The following MME variants were observed in gnomAD, a reference collection of about 807,000 sequenced individuals.
MME encodes neprilysin.
Under a neutral mutation model 113.2 loss-of-function variants are expected in MME, and 98 were observed. The observed-to-expected ratio is 0.87, with a 90% CI of 0.74 to 1.02. The LOEUF (loss-of-function observed/expected upper bound fraction) is 1.02, where lower values mean the gene tolerates loss of function less well. Ranked by LOEUF, MME falls within the 50% of genes least tolerant of loss-of-function variation. The probability of loss-of-function intolerance (pLI) is 0.00; values close to 1 mark genes in which losing one functional copy is unlikely to be tolerated. For missense variants in MME, 836 were observed against 896.0 expected, an observed-to-expected ratio of 0.93 and a Z score of 0.86; for synonymous variants, 292 against 300.6, an observed-to-expected ratio of 0.97 and a Z score of 0.30.
At chr3:155,104,438 A>G (rs1187966492) in intron 3 of MME, among the ~76,000 whole-genome samples, 1 of 152,236 alleles carries the variant, frequency 6.6e-6, no homozygotes, top group East Asian at 1.9e-4. Flanking sequence ...TCTAGAAAAG[A>G]GCCTTTTTAG....
intron 14 of MME, among the ~76,000 whole-genome samples, chr3:155,145,237 G>T (rs904819509): frequency 3.9e-5 from 6 of 152,106 alleles, no homozygotes; most frequent in Admixed American, 2.0e-4. Context: ...TCACAGCTGT[G>T]CATGACATGG....
chr3:155,116,896 TG>T lies in MME; in HGVS notation c.565del (p.Ala189HisfsTer3). 2 of 1,612,244 alleles carry T rather than the reference TG, an allele frequency of 1.2e-6. No homozygotes were observed. The highest frequency in any genetic ancestry group is 1.7e-6 in the Non-Finnish European group (2 of 1,178,556). ...GASWTAEKAI[A>X]QLNSKYGKKV... ...CTTCTTGGACAGCTGAAAAAGCTATTGCACAACTGAATTCTAAATATGGGAA... is the reference window on the plus strand; with the variant it reads ...CTTCTTGGACAGCTGAAAAAGCTATTCACAACTGAATTCTAAATATGGGAA... On this transcript the variant is annotated frameshift_variant, in exon 7 of 23. Coordinates refer to ENST00000360490, the MANE Select transcript of MME (RefSeq NM_007289.4). LOFTEE classifies it high-confidence loss of function.
In MME at chr3:155,143,422, T is replaced by C. The variant is rs201851047; in HGVS notation, c.1189-21T>C. On this transcript the variant is annotated intron_variant, in intron 12 of 22. Coordinates refer to ENST00000360490, the MANE Select transcript of MME (RefSeq NM_007289.4). ...GACCTTTCCTTCTGGTCAAATGCCA[T>C]TTCCTTTTTCTTTTCCGTAGGCCCT... 5.6e-6 allele frequency: 9 copies of C among 1,609,792 alleles called. No homozygotes were observed. The South Asian group carries it at 9.9e-5, about 18-fold the overall frequency.
intron 1 of MME, among the ~76,000 whole-genome samples, chr3:155,059,128 G>A (rs139773077): frequency 3.8e-3 from 579 of 151,872 alleles, no homozygotes; most frequent in Non-Finnish European, 5.6e-3. Flanking sequence ...GCTGGTGTAC[G>A]CCTGTAATCC....
intron 1 of MME, among the ~76,000 whole-genome samples, chr3:155,060,321 G>A (rs183232985): frequency 3.2e-4 from 48 of 152,234 alleles, no homozygotes; most frequent in African/African-American, 1.2e-3. Flanking sequence ...AAATGCTTAT[G>A]GTTAAGATGG....
chr3:155,070,767 G>A (rs1229479173), intron 1 of MME, among the ~76,000 whole-genome samples: 2 of 152,108 alleles, frequency 1.3e-5, no homozygotes, highest in Non-Finnish European at 2.9e-5. Context: ...CTTAGAAGAC[G>A]CATTTCTTCA....
intron 1 of MME, among the ~76,000 whole-genome samples, chr3:155,063,178 ACTTT>A (rs1351410941): frequency 9.9e-5 from 13 of 131,958 alleles, no homozygotes; most frequent in Non-Finnish European, 1.2e-4. Context: ...TATATTATAT[ACTTT>A]GTAATATATA....
intron 22 of MME, 80 bp downstream of exon 22, chr3:155,172,692 C>A: frequency 2.9e-6 from 3 of 1,037,186 alleles, no homozygotes; most frequent in South Asian, 1.3e-5. Flanking sequence ...ACTTTTCTAA[C>A]TCTGATTCTT....
chr3:155,042,466 G>T (rs1311175329), intron 1 of MME, among the ~76,000 whole-genome samples: 2 of 152,136 alleles, frequency 1.3e-5, no homozygotes, highest in Non-Finnish European at 2.9e-5. Flanking sequence ...GTAGAAGAAA[G>T]ATAGGCACAC....
rs3773884 is a variant in MME, at chr3:155,141,861, C to G, written c.958-130C>G. ...TGCAGAACTAGTTTTTATTTAAAAA[C>G]TGATTGAAACAATTGAGGAAGAATC... On this transcript the variant is annotated intron_variant, in intron 10 of 22. Coordinates refer to ENST00000360490, the MANE Select transcript of MME (RefSeq NM_007289.4). 0.12 allele frequency: 121,010 copies of G among 978,592 alleles called. 8,462 individuals carry two copies. The highest frequency in any genetic ancestry group is 0.15 in the Non-Finnish European group (96,117 of 651,268). 60.6% of individuals were successfully genotyped at this position (978,592 alleles called of 1,614,324 possible). A position where few individuals can be genotyped will look rare whatever the true frequency, so the allele number is the denominator to read the frequency against.
chr3:155,044,934 AT>A (rs74270351), intron 1 of MME, among the ~76,000 whole-genome samples: 9,276 of 144,264 alleles, frequency 0.064, 300 homozygotes, highest in African/African-American at 0.1. Flanking sequence ...TTGGTCTGCA[AT>A]TTTTTTTTTT....
intron 1 of MME, among the ~76,000 whole-genome samples, chr3:155,043,583 T>C (rs1410993845): frequency 1.3e-5 from 2 of 152,082 alleles, no homozygotes; most frequent in African/African-American, 4.8e-5. Context: ...CCACCCGCCT[T>C]GGCCTCACGA....
intron 3 of MME, among the ~76,000 whole-genome samples, chr3:155,109,637 T>C (rs558149004): frequency 1.3e-5 from 2 of 152,320 alleles, no homozygotes; most frequent in South Asian, 4.1e-4. Flanking sequence ...GATTGTCTAA[T>C]GTGGTGGTTC....
At chr3:155,106,800 C>A (rs923268837) in intron 3 of MME, among the ~76,000 whole-genome samples, 1 of 152,188 alleles carries the variant, frequency 6.6e-6, no homozygotes, top group African/African-American at 2.4e-5. Flanking sequence ...CAAGGATTTA[C>A]AACAGAAGGT....
At chr3:155,078,365 A>G (rs1714842626), upstream of MME, among the ~76,000 whole-genome samples, 1 of 152,150 alleles carries the variant, frequency 6.6e-6, no homozygotes, top group African/African-American at 2.4e-5. Flanking sequence ...GCGTAAATAG[A>G]CGTCAATAGC....
chr3:155,046,830 T>C (rs1713577609), intron 1 of MME, among the ~76,000 whole-genome samples: 1 of 152,188 alleles, frequency 6.6e-6, no homozygotes, highest in Admixed American at 6.5e-5. Flanking sequence ...AAGTAAACAG[T>C]TGTAAAAATA....
chr3:155,141,988 C>G lies in MME; in HGVS notation c.958-3C>G, dbSNP rs1468691508. On this transcript the variant is annotated splice_region_variant and splice_polypyrimidine_tract_variant and intron_variant, in intron 10 of 22. Transcript: ENST00000360490. ...TGAATGTTTCATGCCTGCTTTTTTC[C>G]AGCCATTCAGCTGGTTGAATTTCAC... is the stretch of plus-strand genomic sequence containing the variant. 6.2e-7 allele frequency: 1 copy of G among 1,613,418 alleles called. No individual in the cohort carries two copies. The highest frequency in any genetic ancestry group is 8.5e-7 in the Non-Finnish European group (1 of 1,179,606).
intron 15 of MME, 57 bp downstream of exon 15, chr3:155,147,281 C>A: frequency 1.8e-6 from 2 of 1,089,858 alleles, no homozygotes; most frequent in South Asian, 1.2e-5. Context: ...GTAGTAGTGT[C>A]ATTTTTAGCT....
intron 3 of MME, among the ~76,000 whole-genome samples, chr3:155,106,395 T>C (rs1340119474): frequency 1.3e-5 from 2 of 152,212 alleles, no homozygotes; most frequent in East Asian, 1.9e-4. Context: ...CAAAAGCAAT[T>C]TGGGGGCAGG....
Sources: gnomAD v4.1 joint callset for allele counts (sites outside exome capture counted in the v4.1 genomes callset) on GRCh38, gnomAD v4.1.1 for gene constraint, MANE v1.5 for transcripts, NCBI Gene and HGNC (gene_info 2026-07-23, HGNC 2026-07-21) for gene names.